The following TENM3 variants were observed in gnomAD, a reference collection of about 807,000 sequenced individuals.
The protein encoded by TENM3 is teneurin-3.
Under a neutral mutation model 255.1 loss-of-function variants are expected in TENM3, and 63 were observed. That is an observed-to-expected ratio of 0.25 (90% CI 0.20 to 0.30). TENM3 has a LOEUF of 0.30. Ranked by LOEUF, TENM3 falls within the 10% of genes least tolerant of loss-of-function variation. The probability of loss-of-function intolerance (pLI) is 1.00; values close to 1 mark genes in which losing one functional copy is unlikely to be tolerated. For missense variants in TENM3, 2,929 were observed against 3,461.1 expected (o/e 0.85, Z 3.86); for synonymous variants, 1,306 against 1,322.3 (o/e 0.99, Z 0.27).
the TENM3 span, among the ~76,000 whole-genome samples, chr4:181,463,506 A>T: frequency 6.6e-6 from 1 of 152,192 alleles, no homozygotes; most frequent in South Asian, 2.1e-4. Flanking sequence ...TTTAAGGTAA[A>T]AACTATGTGT....
chr4:181,869,597 A>G, the TENM3 span, among the ~76,000 whole-genome samples: 1 of 152,130 alleles, frequency 6.6e-6, no homozygotes, highest in African/African-American at 2.4e-5. Context: ...ATCGCATGTA[A>G]CCACCCATAA....
At chr4:182,413,908 C>T (rs528436771) in intron 3 of TENM3, among the ~76,000 whole-genome samples, 1 of 152,252 alleles carries the variant, frequency 6.6e-6, no homozygotes, top group East Asian at 1.9e-4. Flanking sequence ...CTTGTAAACA[C>T]TAATTATAAC....
At chr4:181,910,349 G>A in the TENM3 span, among the ~76,000 whole-genome samples, 1 of 151,756 alleles carries the variant, frequency 6.6e-6, no homozygotes, top group Non-Finnish European at 1.5e-5. Context: ...GACAGATCAC[G>A]AGGTCAGGAG....
the TENM3 span, among the ~76,000 whole-genome samples, chr4:182,057,602 T>C: frequency 2.4e-3 from 362 of 151,840 alleles, 1 homozygote; most frequent in Middle Eastern, 0.01. Context: ...GTTCTCACTA[T>C]GTTGCCCAGG....
intron 1 of TENM3, among the ~76,000 whole-genome samples, chr4:182,179,913 G>C (rs147034063): frequency 1.2e-3 from 177 of 151,990 alleles, no homozygotes; most frequent in Non-Finnish European, 2.0e-3. Flanking sequence ...CATTTTTTCA[G>C]ACCTCATATT....
chr4:182,217,906 A>AT (rs1331428951), intron 1 of TENM3, among the ~76,000 whole-genome samples: 19 of 152,356 alleles, frequency 1.2e-4, no homozygotes, highest in Admixed American at 5.2e-4. Context: ...TTTCAATTAA[A>AT]TGTGGAAAGC....
chr4:181,694,593 T>C, the TENM3 span, among the ~76,000 whole-genome samples: 1 of 152,326 alleles, frequency 6.6e-6, no homozygotes, highest in African/African-American at 2.4e-5. Flanking sequence ...AAAATAGTTA[T>C]ACAGGACGAA....
intron 3 of TENM3, among the ~76,000 whole-genome samples, chr4:182,514,305 G>T (rs1383171537): frequency 6.6e-6 from 1 of 152,234 alleles, no homozygotes; most frequent in Admixed American, 6.5e-5. Flanking sequence ...GATATGAAGA[G>T]TAGGGAAATG....
chr4:182,709,558 C>A (rs901288169), intron 12 of TENM3, among the ~76,000 whole-genome samples: 1 of 151,736 alleles, frequency 6.6e-6, no homozygotes, highest in African/African-American at 2.4e-5. Context: ...TTTTTTATTT[C>A]CTATTGTGGT....
At chr4:181,605,546 GAA>G in the TENM3 span, among the ~76,000 whole-genome samples, 1,968 of 27,226 alleles carry the variant, frequency 0.072, 261 homozygotes, top group Non-Finnish European at 0.11. Context: ...AAGAAAGAAA[GAA>G]AGAAAGAAAG....
chr4:181,786,595 T>C, the TENM3 span, among the ~76,000 whole-genome samples: 1 of 151,852 alleles, frequency 6.6e-6, no homozygotes, highest in Non-Finnish European at 1.5e-5. Flanking sequence ...GCAAAGTCTG[T>C]GTGGGCGAGG....
chr4:182,712,430 TAA>T (rs79642394), intron 12 of TENM3, among the ~76,000 whole-genome samples: 1 of 140,984 alleles, frequency 7.1e-6, no homozygotes. Context: ...TCGTTTTCAT[TAA>T]AAAAAAAAAA....
chr4:181,892,532 C>T, the TENM3 span, among the ~76,000 whole-genome samples: 2 of 152,130 alleles, frequency 1.3e-5, no homozygotes, highest in Admixed American at 1.3e-4. Context: ...ATTAAGGGTC[C>T]GTATGAACTG....
At chr4:182,743,819 G>A (rs1761785723) in intron 19 of TENM3, among the ~76,000 whole-genome samples, 3 of 152,072 alleles carry the variant, frequency 2.0e-5, no homozygotes, top group African/African-American at 7.2e-5. Context: ...ATATTAAATG[G>A]ACTAAGGCTA....
chr4:182,757,486 T>A (rs1222121211), intron 22 of TENM3, among the ~76,000 whole-genome samples: 7 of 152,024 alleles, frequency 4.6e-5, no homozygotes. Flanking sequence ...TTCCCAGGAG[T>A]TCATTGTATG....
At position 182,411,780 on chromosome 4, in the gene TENM3, G is replaced by T. The variant is rs1360703701; in HGVS notation, c.511+64851G>T. Among the ~76,000 whole-genome samples the T allele has an allele frequency of 3.3e-5, 5 of 152,348 alleles. No homozygotes were observed. The South Asian group carries it at 1.0e-3, about 32-fold the overall frequency. On this transcript the variant is annotated intron_variant, in intron 3 of 27. Coordinates refer to ENST00000511685, the MANE Select transcript of TENM3 (RefSeq NM_001080477.4). The stretch of plus-strand genomic sequence containing the variant: ...GAAGATAGTGAATACTTCCTGTAAA[G>T]AGGGCATTATCATGTGAGTTCATAC...
the TENM3 span, among the ~76,000 whole-genome samples, chr4:181,540,067 G>A: frequency 6.6e-6 from 1 of 152,082 alleles, no homozygotes; most frequent in East Asian, 1.9e-4. Flanking sequence ...GCATCCTAGT[G>A]GTGCCAGAAA....
chr4:182,674,570 TTTTG>T (rs760081557), intron 7 of TENM3, among the ~76,000 whole-genome samples: 3 of 152,108 alleles, frequency 2.0e-5, no homozygotes, highest in African/African-American at 7.2e-5. Context: ...GGGTTTTGGT[TTTTG>T]TTTGTTTTGT....
chr4:181,828,083 C>T, the TENM3 span, among the ~76,000 whole-genome samples: 6 of 152,026 alleles, frequency 3.9e-5, no homozygotes, highest in African/African-American at 7.2e-5. Context: ...CCTTTTTGAG[C>T]GAGGAGAAAA....
Sources: allele counts gnomAD v4.1 joint callset (sites outside exome capture counted in the v4.1 genomes callset), GRCh38; gene constraint gnomAD v4.1.1; transcripts MANE v1.5; gene names NCBI Gene and HGNC (gene_info 2026-07-23, HGNC 2026-07-21).